PKIG: variants seen among roughly 807,000 people sequenced by gnomAD.
PKIG encodes cAMP-dependent protein kinase inhibitor gamma.
A neutral mutation model predicts 6.8 loss-of-function variants in PKIG; 1 was observed. That is an observed-to-expected ratio of 0.15 (90% CI 0.05 to 0.69). The LOEUF is 0.69. Among genes scored for constraint, PKIG ranks in the 30% least tolerant of loss-of-function variants. The pLI, the probability that PKIG is intolerant of heterozygous loss-of-function variation, is 0.82. For missense variants in PKIG, 77 were observed against 104.0 expected, an observed-to-expected ratio of 0.74 and a Z score of 1.13; for synonymous variants, 39 against 43.0, an observed-to-expected ratio of 0.91 and a Z score of 0.36.
chr20:44,549,857 C>T (rs937393875), intron 1 of PKIG, among the ~76,000 whole-genome samples: 1 of 152,002 alleles, frequency 6.6e-6, no homozygotes, highest in African/African-American at 2.4e-5. Context: ...GAGAAAGTGA[C>T]AGAAAAGTTT....
chr20:44,576,131 T>A (rs1230214125), intron 1 of PKIG, among the ~76,000 whole-genome samples: 1 of 151,776 alleles, frequency 6.6e-6, no homozygotes, highest in African/African-American at 2.4e-5. Context: ...AGTATGTTAA[T>A]GTTTTACCAT....
intron 1 of PKIG, among the ~76,000 whole-genome samples, chr20:44,588,267 T>C (rs1307197440): frequency 6.6e-6 from 1 of 152,138 alleles, no homozygotes; most frequent in Non-Finnish European, 1.5e-5. Context: ...CAAGCACAAA[T>C]GGTGGCGTTA....
At chr20:44,541,422 G>T (rs749147461) in intron 1 of PKIG, among the ~76,000 whole-genome samples, 4 of 152,040 alleles carry the variant, frequency 2.6e-5, no homozygotes, top group Non-Finnish European at 5.9e-5. Flanking sequence ...TTGAGTAGCT[G>T]GGACTACAGG....
intron 1 of PKIG, among the ~76,000 whole-genome samples, chr20:44,534,627 C>G (rs1600830548): frequency 6.6e-6 from 1 of 152,016 alleles, no homozygotes; most frequent in Non-Finnish European, 1.5e-5. Context: ...AGCCACCACA[C>G]TCAGCTAATT....
At position 44,605,121 on chromosome 20, in the gene PKIG, A is replaced by G. The variant is rs149712331; in HGVS notation, c.-23-9413A>G. Among the ~76,000 whole-genome samples, 7 of 152,260 alleles carry G rather than the reference A, an allele frequency of 4.6e-5. No homozygotes were observed. The East Asian group carries it at 1.4e-3, about 29-fold the overall frequency. On this transcript the variant is annotated intron_variant, in intron 2 of 3. Coordinates refer to ENST00000372886, the MANE Select transcript of PKIG (RefSeq NM_001281445.2). The stretch of plus-strand genomic sequence containing the variant: ...GCTGGAGAGATTAAAAGATTCAGAA[A>G]CAGGCCAGGTGCGGTGGCTCACGCC...
chr20:44,548,527 A>T (rs1299632289), intron 1 of PKIG, among the ~76,000 whole-genome samples: 1 of 152,172 alleles, frequency 6.6e-6, no homozygotes, highest in Non-Finnish European at 1.5e-5. Context: ...TGAAATACTT[A>T]TCAACCAAGT....
intron 2 of PKIG, among the ~76,000 whole-genome samples, chr20:44,590,989 A>G (rs1029561617): frequency 6.6e-6 from 1 of 152,308 alleles, no homozygotes; most frequent in Non-Finnish European, 1.5e-5. Context: ...GCAGGTATTT[A>G]TGGAGCATCT....
At chr20:44,542,896 A>G (rs1027761827) in intron 1 of PKIG, among the ~76,000 whole-genome samples, 4 of 152,204 alleles carry the variant, frequency 2.6e-5, no homozygotes, top group African/African-American at 9.6e-5. Context: ...CCCAGCAGCT[A>G]TATTTTATAA....
intron 1 of PKIG, among the ~76,000 whole-genome samples, chr20:44,557,583 G>A (rs1042959677): frequency 6.7e-6 from 1 of 150,040 alleles, no homozygotes; most frequent in African/African-American, 2.5e-5. Context: ...CACTTTGGGA[G>A]GCTGAGGTGG....
chr20:44,611,953 C>A (rs943674623), intron 2 of PKIG, among the ~76,000 whole-genome samples: 6 of 151,994 alleles, frequency 3.9e-5, no homozygotes, highest in Admixed American at 6.6e-5. Flanking sequence ...AACAAGATTT[C>A]ATTCTTTTTT....
chr20:44,552,156 T>C (rs1401715327), intron 1 of PKIG, among the ~76,000 whole-genome samples: 1 of 152,176 alleles, frequency 6.6e-6, no homozygotes, highest in Non-Finnish European at 1.5e-5. Context: ...ATTGATCTCT[T>C]TACTTTTCTC....
chr20:44,614,692 G>A lies in PKIG; in HGVS notation c.136G>A (p.Ala46Thr). 6.2e-7 allele frequency: 1 copy of A among 1,613,754 alleles called. No homozygotes were observed. Among genetic ancestry groups the A allele is most frequent in the Non-Finnish European group, 8.5e-7 (1 of 1,180,010 alleles). The change falls in exon 3 of 4, where the codon GCA (alanine) becomes ACA (threonine). Residue 46 changes from alanine to threonine, a missense_variant. Ala to Thr is a moderately conservative substitution (Grantham distance 58, BLOSUM62 0). Coordinates refer to ENST00000372886, the MANE Select transcript of PKIG (RefSeq NM_001281445.2). This position sits in a 1 kb window ranked among gnomAD's most constrained non-coding sequence, Gnocchi z 4.6. The part of the protein sequence containing the change: ...RKLAGDMGEL[A>T]LEGAEGQVEG... Reference sequence around the variant, plus strand: ...GCTGGCTGGAGACATGGGCGAGCTGGCACTCGAGGGGGCAGGTTAGAGCCA... The same window carrying A: ...GCTGGCTGGAGACATGGGCGAGCTGACACTCGAGGGGGCAGGTTAGAGCCA...
chr20:44,567,026 C>T (rs1344999992), intron 1 of PKIG, among the ~76,000 whole-genome samples: 1 of 152,140 alleles, frequency 6.6e-6, no homozygotes, highest in East Asian at 1.9e-4. Flanking sequence ...ATTACTCAAT[C>T]TGTCAGGATT....
chr20:44,566,137 T>C (rs962539080), intron 1 of PKIG, among the ~76,000 whole-genome samples: 4 of 152,314 alleles, frequency 2.6e-5, no homozygotes, highest in African/African-American at 9.6e-5. Context: ...AAGACAGAGA[T>C]TGGGAAACTA....
upstream of PKIG, among the ~76,000 whole-genome samples, chr20:44,578,179 G>A (rs2064915909): frequency 6.6e-6 from 1 of 151,334 alleles, no homozygotes; most frequent in African/African-American, 2.4e-5. Flanking sequence ...TCTCTACTAA[G>A]CATACAAAAA....
chr20:44,541,992 T>A (rs1008567228), intron 1 of PKIG, among the ~76,000 whole-genome samples: 1 of 152,112 alleles, frequency 6.6e-6, no homozygotes. Context: ...CCCGGCCAAG[T>A]ATAGCTTATT....
chr20:44,537,266 G>A (rs1419342208), intron 1 of PKIG, among the ~76,000 whole-genome samples: 2 of 152,118 alleles, frequency 1.3e-5, no homozygotes, highest in East Asian at 1.9e-4. Context: ...CACCACGCCC[G>A]GCTAATTTTG....
upstream of PKIG, among the ~76,000 whole-genome samples, chr20:44,581,366 A>G (rs1388056469): frequency 6.6e-6 from 1 of 152,190 alleles, no homozygotes; most frequent in African/African-American, 2.4e-5. Flanking sequence ...AATTCTCACA[A>G]TCCTAAAACA....
chr20:44,579,281 G>A (rs2064926910), upstream of PKIG, among the ~76,000 whole-genome samples: 1 of 152,188 alleles, frequency 6.6e-6, no homozygotes, highest in Non-Finnish European at 1.5e-5. Context: ...AGGAAGGAGA[G>A]ACCCCTTCTA....
Sources: allele counts gnomAD v4.1 joint callset (sites outside exome capture counted in the v4.1 genomes callset), GRCh38; gene constraint gnomAD v4.1.1; non-coding constraint Gnocchi (gnomAD v3.1); transcripts MANE v1.5; gene names NCBI Gene and HGNC (gene_info 2026-07-23, HGNC 2026-07-21).